Variants in FRAS1 observed in about 807,000 individuals in gnomAD.
The protein encoded by FRAS1 is Fraser extracellular matrix complex subunit 1, also known as extracellular matrix organizing protein FRAS1.
A neutral mutation model predicts 435.2 loss-of-function variants in FRAS1; 290 were observed. The ratio of observed to expected loss-of-function variants is 0.67; its 90% confidence interval spans 0.61 to 0.73. The LOEUF (loss-of-function observed/expected upper bound fraction) is 0.73. Ranked by LOEUF, FRAS1 falls within the 30% of genes least tolerant of loss-of-function variation. FRAS1 has a pLI of 0.00. For synonymous variants in FRAS1, 1,800 were observed against 1,851.0 expected (o/e 0.97, Z 0.71); for missense variants, 4,860 against 5,001.5 (o/e 0.97, Z 0.85).
chr4:78,501,532 G>A (rs567802196), intron 61 of FRAS1, among the ~76,000 whole-genome samples: 100 of 152,264 alleles, frequency 6.6e-4, no homozygotes, highest in African/African-American at 2.0e-3. Context: ...GATCCTTGAG[G>A]AATTGCCACA....
Position 78,278,738 on chromosome 4 carries a change from A to T in FRAS1, c.1065A>T (p.Gly355=). ...GTTATTGTGTTTATGAAGAAACTGGAGAATTTGTGAGTATCAGGCTTATAA... is the reference window on the plus strand; with the variant it reads ...GTTATTGTGTTTATGAAGAAACTGGTGAATTTGTGAGTATCAGGCTTATAA... ...RNGYCVYEET[G]EFMSSNASEV... Residue 355 remains glycine, a synonymous_variant, in exon 10 of 74, where the codon GGA becomes GGT. Coordinates refer to ENST00000512123, the MANE Select transcript of FRAS1 (RefSeq NM_025074.7). 2.6e-6 allele frequency: 4 copies of T among 1,563,898 alleles called. No individual in the cohort carries two copies. Among genetic ancestry groups the T allele is most frequent in the Middle Eastern group, 1.7e-4 (1 of 5,958 alleles).
Position 78,057,900 on chromosome 4 carries a change from TC to T in FRAS1, c.-105del, listed in dbSNP as rs1267203895. ...TTTTCCCGGAGGTAAAGGCCCGCGGTCCCCCACCTTCAGTGCGCCCGGGTTC... is the reference window on the plus strand; with the variant it reads ...TTTTCCCGGAGGTAAAGGCCCGCGGTCCCCACCTTCAGTGCGCCCGGGTTC... On this transcript the variant is annotated 5_prime_UTR_variant, in exon 1 of 74. Coordinates refer to ENST00000512123, the MANE Select transcript of FRAS1 (RefSeq NM_025074.7). This position sits in a 1 kb window ranked among gnomAD's most constrained non-coding sequence, Gnocchi z 4.2. 3 of 937,220 alleles carry T rather than the reference TC, an allele frequency of 3.2e-6. No individual in the cohort carries two copies. Among genetic ancestry groups the T allele is most frequent in the South Asian group, 1.5e-5 (1 of 68,174 alleles). The allele number at this position is 937,220 out of a possible 1,614,324, so 58.1% of individuals were successfully genotyped here. A position where few individuals can be genotyped will look rare whatever the true frequency, so the allele number is the denominator to read the frequency against.
chr4:78,079,641 T>C (rs1057280298), intron 2 of FRAS1, among the ~76,000 whole-genome samples: 1 of 152,154 alleles, frequency 6.6e-6, no homozygotes, highest in Non-Finnish European at 1.5e-5. Flanking sequence ...CACTTTCTTC[T>C]GGGTTGGCAG....
At chr4:78,175,666 A>G (rs1721739709) in intron 2 of FRAS1, among the ~76,000 whole-genome samples, 1 of 152,178 alleles carries the variant, frequency 6.6e-6, no homozygotes, top group Non-Finnish European at 1.5e-5. Context: ...GGGAACCTGG[A>G]AGCAGAGCCA....
chr4:78,091,854 C>T (rs550944290), intron 2 of FRAS1, among the ~76,000 whole-genome samples: 1 of 151,292 alleles, frequency 6.6e-6, no homozygotes, highest in Non-Finnish European at 1.5e-5. Context: ...TAAAAAATGC[C>T]TCAGTTTTGA....
In FRAS1 at chr4:78,061,526, C is replaced by T. The variant is rs115349127; in HGVS notation, c.76+3441C>T. Among the ~76,000 whole-genome samples the T allele has an allele frequency of 6.1e-3, 934 of 152,252 alleles. 9 individuals carry two copies. The highest frequency in any genetic ancestry group is 0.019 in the African/African-American group (784 of 41,552). On this transcript the variant is annotated intron_variant, in intron 1 of 73. Transcript: ENST00000512123. ...AGCCATTCCCACAAACGCTGAATCC[C>T]GGGTTTTTCCTATAAATGCTATTTA...
chr4:78,166,618 T>C (rs1721340659), intron 2 of FRAS1, among the ~76,000 whole-genome samples: 1 of 152,208 alleles, frequency 6.6e-6, no homozygotes, highest in Non-Finnish European at 1.5e-5. Flanking sequence ...AATGTTTAGT[T>C]TTCTCAAGAG....
chr4:78,458,406 CTT>C (rs1296944813), intron 47 of FRAS1, among the ~76,000 whole-genome samples: 3 of 152,188 alleles, frequency 2.0e-5, no homozygotes, highest in Admixed American at 1.3e-4. Flanking sequence ...AAATAGTTCT[CTT>C]GTCAGTAAAC....
intron 29 of FRAS1, among the ~76,000 whole-genome samples, chr4:78,397,323 C>T (rs1402464165): frequency 6.6e-6 from 1 of 152,174 alleles, no homozygotes; most frequent in Non-Finnish European, 1.5e-5. Context: ...TTCTCTTGAT[C>T]CTGCACCATC....
chr4:78,137,532 A>G (rs1172069114), intron 2 of FRAS1, among the ~76,000 whole-genome samples: 1 of 152,152 alleles, frequency 6.6e-6, no homozygotes, highest in Non-Finnish European at 1.5e-5. Flanking sequence ...TTCATTTATG[A>G]ATGATAATAG....
intron 2 of FRAS1, among the ~76,000 whole-genome samples, chr4:78,192,463 C>G (rs554844942): frequency 2.6e-5 from 4 of 152,140 alleles, no homozygotes; most frequent in Non-Finnish European, 5.9e-5. Flanking sequence ...TGTTATTGGT[C>G]TATTCAGAGA....
chr4:78,418,826 T>G, intron 32 of FRAS1, 123 bp from the exon 33 acceptor site: 1 of 580,626 alleles, frequency 1.7e-6, no homozygotes, highest in South Asian at 2.5e-5. Flanking sequence ...CTCTCGAAAA[T>G]TTGACTAAGT....
At chr4:78,195,947 CTT>C (rs66606732) in intron 2 of FRAS1, among the ~76,000 whole-genome samples, 37,972 of 145,842 alleles carry the variant, frequency 0.26, 5,435 homozygotes, top group East Asian at 0.37. Context: ...ATTCTTATTA[CTT>C]TTTTTTTTTT....
chr4:78,289,312 A>G (rs894432829), intron 14 of FRAS1, among the ~76,000 whole-genome samples: 5 of 151,982 alleles, frequency 3.3e-5, no homozygotes, highest in African/African-American at 1.2e-4. Flanking sequence ...ACATGTGCAT[A>G]TGTTAATACT....
At chr4:78,229,048 T>A (rs1168923962) in intron 2 of FRAS1, among the ~76,000 whole-genome samples, 1 of 152,198 alleles carries the variant, frequency 6.6e-6, no homozygotes, top group Non-Finnish European at 1.5e-5. Context: ...ATATGACCTA[T>A]GTTCATAAAC....
chr4:78,324,057 A>G (rs995852562), intron 18 of FRAS1, among the ~76,000 whole-genome samples: 1 of 152,202 alleles, frequency 6.6e-6, no homozygotes, highest in Non-Finnish European at 1.5e-5. Flanking sequence ...CTTCTAATCA[A>G]AGAAGAAGCA....
intron 20 of FRAS1, among the ~76,000 whole-genome samples, chr4:78,356,083 A>G (rs2110286540): frequency 6.6e-6 from 1 of 152,320 alleles, no homozygotes; most frequent in South Asian, 2.1e-4. Context: ...CGGTGCCTAC[A>G]TGTGGGGCTC....
chr4:78,478,128 T>G (rs1578347989), intron 55 of FRAS1, 67 bp downstream of exon 55: 13 of 1,461,452 alleles, frequency 8.9e-6, no homozygotes, highest in South Asian at 1.4e-5. Flanking sequence ...TCCTATTATG[T>G]GCTAAGCACT....
At chr4:78,194,272 A>T (rs1041229609) in intron 2 of FRAS1, among the ~76,000 whole-genome samples, 1 of 152,086 alleles carries the variant, frequency 6.6e-6, no homozygotes, top group Admixed American at 6.6e-5. Flanking sequence ...TTCTCGAGGA[A>T]TATCTTTGTG....
Sources: gnomAD v4.1 joint callset for allele counts (sites outside exome capture counted in the v4.1 genomes callset) on GRCh38, gnomAD v4.1.1 for gene constraint, Gnocchi (gnomAD v3.1) non-coding constraint, MANE v1.5 for transcripts, NCBI Gene and HGNC (gene_info 2026-07-23, HGNC 2026-07-21) for gene names.